The following EVC2 variants were observed in gnomAD, a reference collection of about 807,000 sequenced individuals.
EVC2 encodes the protein EvC ciliary complex subunit 2, also known as limbin.
EVC2 carries 148 observed loss-of-function variants against 149.3 expected under a neutral mutation model. The ratio of observed to expected loss-of-function variants is 0.99; its 90% CI spans 0.87 to 1.14. The LOEUF (loss-of-function observed/expected upper bound fraction) is 1.14, where lower values mean the gene tolerates loss of function less well. Ranked by LOEUF, EVC2 falls within the 50% of genes most tolerant of loss-of-function variation. The pLI is 0.00. For synonymous variants in EVC2, 776 were observed against 649.9 expected (o/e 1.19, Z -2.95); for missense variants, 1,854 against 1,627.3 (o/e 1.14, Z -2.40).
In EVC2 at chr4:5,625,134, T is replaced by A. The variant is rs975229987; in HGVS notation, c.2046+615A>T. ...GAAGACCCTTCAACATTCCCCACTA[T>A]CCTTGGATGGAAGGTAACCCCTTAG... On this transcript the variant is annotated intron_variant, in intron 13 of 21. Coordinates refer to ENST00000344408, the MANE Select transcript of EVC2 (RefSeq NM_147127.5). The surrounding 1 kb of genome is among the most constrained non-coding windows in gnomAD (Gnocchi z 4.0). Among the ~76,000 whole-genome samples, 3 of 152,060 alleles carry A rather than the reference T, an allele frequency of 2.0e-5. No homozygotes were observed. Among genetic ancestry groups the A allele is most frequent in the African/African-American group, 7.2e-5 (3 of 41,410 alleles).
Position 5,672,942 on chromosome 4 carries a change from C to T in EVC2, c.871-7293G>A, listed in dbSNP as rs116281210. ...TCCACTTATCTGAAATGTACAGGGT[C>T]GGCAAATCCAGAGACAGAAGCAGAT... On this transcript the variant is annotated intron_variant, in intron 7 of 21. Transcript: ENST00000344408. 4.6e-5 allele frequency among the ~76,000 whole-genome samples: 7 copies of T among 152,220 alleles called. No individual in the cohort carries two copies. In the East Asian group the frequency reaches 7.7e-4, roughly 17 times the overall value.
chr4:5,627,942 T>G (rs556070770), intron 12 of EVC2, among the ~76,000 whole-genome samples: 1 of 152,100 alleles, frequency 6.6e-6, no homozygotes, highest in East Asian at 1.9e-4. Flanking sequence ...TAATCTGGGG[T>G]GGAGATGTGT....
chr4:5,672,392 C>A (rs1719704120), intron 7 of EVC2, among the ~76,000 whole-genome samples: 1 of 152,204 alleles, frequency 6.6e-6, no homozygotes, highest in Non-Finnish European at 1.5e-5. Flanking sequence ...CATGAAGAAA[C>A]ATGGTTAGAT....
intron 9 of EVC2, among the ~76,000 whole-genome samples, chr4:5,646,239 G>T (rs999724756): frequency 4.0e-5 from 6 of 151,518 alleles, no homozygotes; most frequent in African/African-American, 1.2e-4. Flanking sequence ...TCTATTTTTT[G>T]ATTTTTTAGT....
In EVC2 at chr4:5,708,378, G is replaced by T. The variant is rs1332804307; in HGVS notation, c.136C>A (p.Pro46Thr). 3.5e-5 allele frequency: 52 copies of T among 1,493,978 alleles called. No individual in the cohort carries two copies. The highest frequency in any genetic ancestry group is 4.5e-5 in the Non-Finnish European group (51 of 1,129,042). The allele number at this position is 1,493,978 out of a possible 1,614,324, so 92.5% of individuals were successfully genotyped here. The change falls in exon 1 of 22, where the codon CCA (proline) becomes ACA (threonine). Residue 46 changes from proline to threonine, a missense_variant. Pro to Thr is a conservative substitution (Grantham distance 38, BLOSUM62 -1). Coordinates refer to ENST00000344408, the MANE Select transcript of EVC2 (RefSeq NM_147127.5). ...GGAGCCACCTGGGGATCCCGGGGTG[G>T]CTGCGCGCCGAGGGGGCGCCAGCGG... ...RPRWRPLGAQ[P>T]PRDPQVAPRS...
intron 16 of EVC2, 23 bp from the exon 17 acceptor site, chr4:5,584,873 C>A (rs199618407): frequency 6.2e-7 from 1 of 1,613,290 alleles, no homozygotes; most frequent in South Asian, 1.1e-5. Flanking sequence ...AGGGATGGAC[C>A]CAAACCCAGA....
intron 10 of EVC2, among the ~76,000 whole-genome samples, chr4:5,634,222 T>C (rs981381370): frequency 2.6e-5 from 4 of 152,214 alleles, no homozygotes; most frequent in African/African-American, 9.6e-5. Context: ...AAGGATTAGA[T>C]TCGACATAAT....
intron 16 of EVC2, among the ~76,000 whole-genome samples, chr4:5,607,165 A>C (rs1180683579): frequency 6.6e-6 from 1 of 152,130 alleles, no homozygotes; most frequent in Non-Finnish European, 1.5e-5. Flanking sequence ...CTAAGCTGAG[A>C]GAGAAAGGGA....
At chr4:5,656,765 G>A (rs942923859) in intron 9 of EVC2, among the ~76,000 whole-genome samples, 3 of 152,146 alleles carry the variant, frequency 2.0e-5, no homozygotes, top group Non-Finnish European at 4.4e-5. Flanking sequence ...AAAGTGATTT[G>A]GGACTCTGGC....
rs35325839 is a variant in EVC2 at position 5,623,173 on chromosome 4, T to C, written c.2047-182A>G. Reference sequence around the variant, plus strand: ...TTTTTTGAGATTGAATCTTGCTCTGTTGCCCAGGCTGGAGTGCAATGGTGC... The same window carrying C: ...TTTTTTGAGATTGAATCTTGCTCTGCTGCCCAGGCTGGAGTGCAATGGTGC... On this transcript the variant is annotated intron_variant, in intron 13 of 21. Coordinates refer to ENST00000344408, the MANE Select transcript of EVC2 (RefSeq NM_147127.5). 0.21 allele frequency among the ~76,000 whole-genome samples: 31,362 copies of C among 152,174 alleles called. 4,265 individuals carry two copies. Among genetic ancestry groups the C allele is most frequent in the East Asian group, 0.61 (3,148 of 5,164 alleles).
rs1335513260 is a variant in EVC2 at position 5,572,858 on chromosome 4, G to A, written c.3360+1827C>T. Among the ~76,000 whole-genome samples the A allele has an allele frequency of 3.9e-5, 6 of 152,122 alleles. No individual in the cohort carries two copies. The South Asian group carries it at 8.3e-4, about 21-fold the overall frequency. ...GCTCAGTTACGCAGAGACATAGGCCGGGGTGGTCATCTGCTTCAGATCCTT... is the reference window on the plus strand; with the variant it reads ...GCTCAGTTACGCAGAGACATAGGCCAGGGTGGTCATCTGCTTCAGATCCTT... On this transcript the variant is annotated intron_variant, in intron 19 of 21. Coordinates refer to ENST00000344408, the MANE Select transcript of EVC2 (RefSeq NM_147127.5).
intron 21 of EVC2, among the ~76,000 whole-genome samples, chr4:5,554,781 A>G (rs922507469): frequency 2.0e-5 from 3 of 152,224 alleles, no homozygotes; most frequent in African/African-American, 7.2e-5. Context: ...ATCCCAGATA[A>G]CATATAATTT....
At chr4:5,585,416 G>T (rs10003617) in intron 16 of EVC2, among the ~76,000 whole-genome samples, 64,621 of 151,700 alleles carry the variant, frequency 0.43, 14,676 homozygotes, top group East Asian at 0.86. Context: ...TAGTTTCCAC[G>T]GAAGCGGTCT....
In EVC2 at chr4:5,645,589, T is replaced by G. The variant is rs376423087; in HGVS notation, c.1146-4751A>C. On this transcript the variant is annotated intron_variant, in intron 9 of 21. Coordinates refer to ENST00000344408, the MANE Select transcript of EVC2 (RefSeq NM_147127.5). ...ATCCAAGTTACTGTAAAAGACATGA[T>G]CTCACTCTTTTTTAACGGCTGCATA... 1.2e-4 allele frequency among the ~76,000 whole-genome samples: 19 copies of G among 152,334 alleles called. 1 individual carries two copies. The highest frequency in any genetic ancestry group is 4.6e-4 in the African/African-American group (19 of 41,584).
At position 5,565,378 on chromosome 4, in the gene EVC2, T is replaced by A. The variant is rs769038470; in HGVS notation, c.3558-19A>T. 1.2e-6 allele frequency: 2 copies of A among 1,611,696 alleles called. No individual in the cohort carries two copies. The highest frequency in any genetic ancestry group is 1.3e-5 in the African/African-American group (1 of 74,726). On this transcript the variant is annotated intron_variant, in intron 20 of 21. Transcript: ENST00000344408. The stretch of plus-strand genomic sequence containing the variant: ...GTGTTTCCTGCAGGCAAGAAGGGAG[T>A]CTTATAGTTTCAAAAATACGCCTGT...
chr4:5,572,147 G>A (rs749415973), intron 19 of EVC2, among the ~76,000 whole-genome samples: 3 of 152,180 alleles, frequency 2.0e-5, no homozygotes, highest in Admixed American at 6.5e-5. Context: ...AAGAAATTCA[G>A]CTGAGTAGAT....
intron 16 of EVC2, among the ~76,000 whole-genome samples, chr4:5,586,250 T>C (rs1712267823): frequency 6.6e-6 from 1 of 152,128 alleles, no homozygotes; most frequent in Admixed American, 6.5e-5. Context: ...GCTTCCCCCT[T>C]CCCTCCCTTT....
intron 1 of EVC2, among the ~76,000 whole-genome samples, chr4:5,704,473 G>T (rs1026464318): frequency 6.6e-6 from 1 of 152,032 alleles, no homozygotes; most frequent in Non-Finnish European, 1.5e-5. Flanking sequence ...GAGCCTCCAC[G>T]GGCCATGTCA....
In EVC2 at chr4:5,679,149, G is replaced by A. The variant is rs1720179276; in HGVS notation, c.870+2111C>T. Among the ~76,000 whole-genome samples the A allele has an allele frequency of 6.6e-6, 1 of 152,252 alleles. No individual in the cohort carries two copies. Among genetic ancestry groups the A allele is most frequent in the Admixed American group, 6.5e-5 (1 of 15,290 alleles). ...TGGAAGTTGCTCTGGGCCAGTCAGTGAGTGAGTGGTGAGTGAATGTGAAGG... is the reference window on the plus strand; with the variant it reads ...TGGAAGTTGCTCTGGGCCAGTCAGTAAGTGAGTGGTGAGTGAATGTGAAGG... On this transcript the variant is annotated intron_variant, in intron 7 of 21. Transcript: ENST00000344408. This position sits in a 1 kb window ranked among gnomAD's most constrained non-coding sequence, Gnocchi z 5.1.
Sources: gnomAD v4.1 joint callset for allele counts (sites outside exome capture counted in the v4.1 genomes callset) on GRCh38, gnomAD v4.1.1 for gene constraint, Gnocchi (gnomAD v3.1) non-coding constraint, MANE v1.5 for transcripts, NCBI Gene and HGNC (gene_info 2026-07-23, HGNC 2026-07-21) for gene names.